Variants in LRRIQ1 observed in about 807,000 individuals in gnomAD.
LRRIQ1 encodes the protein leucine-rich repeat- and IQ domain-containing protein 1.
Under a neutral mutation model 211.9 loss-of-function variants are expected in LRRIQ1, and 210 were observed. The ratio of observed to expected loss-of-function variants is 0.99; its 90% CI spans 0.89 to 1.11. LRRIQ1 has a LOEUF of 1.11. LRRIQ1 is among the 50% of genes most tolerant of loss of function. The pLI, the probability that LRRIQ1 is intolerant of heterozygous loss-of-function variation, is 0.00. For missense variants in LRRIQ1, 2,136 were observed against 1,939.5 expected (o/e 1.10, Z -1.90); for synonymous variants, 699 against 650.1 (o/e 1.08, Z -1.14).
At chr12:85,089,430 T>C (rs1471694845) in intron 11 of LRRIQ1, among the ~76,000 whole-genome samples, 5 of 152,196 alleles carry the variant, frequency 3.3e-5, no homozygotes, top group African/African-American at 4.8e-5. Context: ...TTGGAACTTA[T>C]TGGAGCCTGG....
chr12:85,147,591 T>G (rs1889973183), intron 19 of LRRIQ1, among the ~76,000 whole-genome samples: 1 of 151,714 alleles, frequency 6.6e-6, no homozygotes, highest in Non-Finnish European at 1.5e-5. Flanking sequence ...AGCCAAACCA[T>G]CACTGAACCA....
intron 24 of LRRIQ1, among the ~76,000 whole-genome samples, chr12:85,167,345 C>G (rs1441382427): frequency 1.3e-5 from 2 of 152,018 alleles, no homozygotes; most frequent in Admixed American, 6.6e-5. Context: ...GAGTGAAGCC[C>G]CACAATAGGC....
chr12:85,050,345 A>C (rs181023907), intron 6 of LRRIQ1, among the ~76,000 whole-genome samples: 5 of 152,334 alleles, frequency 3.3e-5, no homozygotes, highest in African/African-American at 1.2e-4. Context: ...CTTGGTGCTT[A>C]AAACAAATGA....
chr12:85,087,443 C>T (rs1565821033), intron 11 of LRRIQ1, among the ~76,000 whole-genome samples: 1 of 152,136 alleles, frequency 6.6e-6, no homozygotes, highest in East Asian at 1.9e-4. Flanking sequence ...ATTTATAATC[C>T]TTTGGGTATA....
At chr12:85,069,090 C>A (rs1477092795) in intron 10 of LRRIQ1, among the ~76,000 whole-genome samples, 1 of 144,568 alleles carries the variant, frequency 6.9e-6, no homozygotes, top group Non-Finnish European at 1.5e-5. Context: ...TCCCTCCCCC[C>A]TCCCCCCACC....
At chr12:85,196,480 T>C (rs1892919070) in intron 24 of LRRIQ1, among the ~76,000 whole-genome samples, 1 of 151,800 alleles carries the variant, frequency 6.6e-6, no homozygotes, top group Admixed American at 6.6e-5. Context: ...AAAACAGAGA[T>C]ATAGATCAAT....
intron 24 of LRRIQ1, among the ~76,000 whole-genome samples, chr12:85,191,525 T>A (rs1367299330): frequency 6.6e-6 from 1 of 152,000 alleles, no homozygotes; most frequent in Admixed American, 6.6e-5. Flanking sequence ...CTGAATAATG[T>A]TTCATTGAAT....
In LRRIQ1 at chr12:85,070,724, A is replaced by G. The variant is rs149765261; in HGVS notation, c.2696-2183A>G. ...CTAATTGTTTTGTATTGTGAACTTG[A>G]ATTGAGGATAGCAAATATGCTTTAG... is the stretch of plus-strand genomic sequence containing the variant. On this transcript the variant is annotated intron_variant, in intron 10 of 26. Coordinates refer to ENST00000393217, the MANE Select transcript of LRRIQ1 (RefSeq NM_001079910.2). Among the ~76,000 whole-genome samples the G allele has an allele frequency of 4.0e-3, 606 of 151,880 alleles. 2 individuals carry two copies. The highest frequency in any genetic ancestry group is 0.014 in the African/African-American group (576 of 41,446).
intron 17 of LRRIQ1, among the ~76,000 whole-genome samples, chr12:85,127,460 C>T (rs967597503): frequency 9.2e-5 from 14 of 152,078 alleles, no homozygotes; most frequent in Admixed American, 2.0e-4. Flanking sequence ...GGATTTTACC[C>T]GCTCTTGCCA....
intron 16 of LRRIQ1, among the ~76,000 whole-genome samples, chr12:85,123,679 G>T (rs750809077): frequency 1.3e-5 from 2 of 151,996 alleles, no homozygotes; most frequent in African/African-American, 2.4e-5. Context: ...AATATTTTGC[G>T]TGGCAAAAGT....
intron 24 of LRRIQ1, among the ~76,000 whole-genome samples, chr12:85,199,521 G>A (rs1343847518): frequency 6.6e-6 from 1 of 152,132 alleles, no homozygotes; most frequent in African/African-American, 2.4e-5. Flanking sequence ...TTATAGTATA[G>A]TTTAAAGTCA....
In LRRIQ1 at chr12:85,205,172, C is replaced by G. The variant is rs1347071548; in HGVS notation, c.4823-24345C>G. ...TCCATGTAAGATGGGACTTGCTCCT[C>G]CTTGCCTTCCTCCATGATTGTGAGG... is the stretch of plus-strand genomic sequence containing the variant. On this transcript the variant is annotated intron_variant, in intron 24 of 26. Transcript: ENST00000393217. Among the ~76,000 whole-genome samples the G allele has an allele frequency of 3.9e-5, 6 of 152,150 alleles. No homozygotes were observed. The East Asian group carries it at 1.2e-3, about 29-fold the overall frequency.
intron 24 of LRRIQ1, among the ~76,000 whole-genome samples, chr12:85,176,009 G>C (rs527864780): frequency 6.6e-5 from 10 of 152,020 alleles, no homozygotes; most frequent in South Asian, 2.1e-4. Context: ...GATTCCATAT[G>C]AACTTTAAAG....
chr12:85,220,794 C>A (rs1014568582), intron 24 of LRRIQ1, among the ~76,000 whole-genome samples: 1 of 125,518 alleles, frequency 8.0e-6, no homozygotes, highest in Non-Finnish European at 1.6e-5. Context: ...TCCCTCCCCC[C>A]TCCCCCCTGT....
intron 24 of LRRIQ1, among the ~76,000 whole-genome samples, chr12:85,220,898 C>A (rs972137944): frequency 6.6e-6 from 1 of 151,224 alleles, no homozygotes; most frequent in Non-Finnish European, 1.5e-5. Flanking sequence ...AACCCCTCCC[C>A]CCAGGTTCAA....
intron 1 of LRRIQ1, among the ~76,000 whole-genome samples, chr12:85,257,156 A>G (rs1465103881): frequency 8.4e-6 from 1 of 119,056 alleles, no homozygotes; most frequent in Non-Finnish European, 1.7e-5. Context: ...ATATGATTAT[A>G]TATAATTATA....
Position 85,072,930 on chromosome 12 carries a change from A to C in LRRIQ1, c.2719A>C (p.Lys907Gln), listed in dbSNP as rs763179298. ...AGGATATTCCTTCTTTCTGGAAGAAAAACTTGTTGACAATGCAGGGTTCTG... is the reference window on the plus strand; with the variant it reads ...AGGATATTCCTTCTTTCTGGAAGAACAACTTGTTGACAATGCAGGGTTCTG... ...RIGYSFFLEE[K>Q]LVDNAGFCHH... The change falls in exon 11 of 27, where the codon AAA (lysine) becomes CAA (glutamine). Residue 907 changes from lysine to glutamine, a missense_variant. Coordinates refer to ENST00000393217, the MANE Select transcript of LRRIQ1 (RefSeq NM_001079910.2). 6.2e-7 allele frequency: 1 copy of C among 1,608,644 alleles called. No individual in the cohort carries two copies. The highest frequency in any genetic ancestry group is 8.5e-7 in the Non-Finnish European group (1 of 1,177,980).
chr12:85,196,487 C>G (rs1892919826), intron 24 of LRRIQ1, among the ~76,000 whole-genome samples: 2 of 151,952 alleles, frequency 1.3e-5, no homozygotes, highest in Non-Finnish European at 2.9e-5. Context: ...AGATATAGAT[C>G]AATGGAACAG....
At chr12:85,198,033 CATATATAAT>C (rs1250423578) in intron 24 of LRRIQ1, among the ~76,000 whole-genome samples, 1 of 66,438 alleles carries the variant, frequency 1.5e-5, no homozygotes, top group African/African-American at 1.0e-4. Context: ...TTATATATAA[CATATATAAT>C]ATATTATATA....
Sources: allele counts gnomAD v4.1 joint callset (sites outside exome capture counted in the v4.1 genomes callset), GRCh38; gene constraint gnomAD v4.1.1; transcripts MANE v1.5; gene names NCBI Gene and HGNC (gene_info 2026-07-23, HGNC 2026-07-21).